The following AKR1D1 variants were observed in gnomAD, a reference collection of about 807,000 sequenced individuals.
The protein encoded by AKR1D1 is delta(4)-3-ketosteroid 5-beta-reductase.
A neutral mutation model predicts 42.6 loss-of-function variants in AKR1D1; 32 were observed. The observed-to-expected ratio is 0.75, with a 90% CI of 0.57 to 1.01. The LOEUF (loss-of-function observed/expected upper bound fraction) is 1.01, where lower values mean the gene tolerates loss of function less well. Among genes scored for constraint, AKR1D1 ranks in the 50% least tolerant of loss-of-function variants. The probability of loss-of-function intolerance (pLI) is 0.00; values close to 1 mark genes in which losing one functional copy is unlikely to be tolerated. For synonymous variants in AKR1D1, 123 were observed against 135.5 expected, an observed-to-expected ratio of 0.91 and a Z score of 0.64; for missense variants, 364 against 402.2, an observed-to-expected ratio of 0.91 and a Z score of 0.81.
intron 7 of AKR1D1, among the ~76,000 whole-genome samples, chr7:138,110,196 G>A (rs1436485506): frequency 6.6e-6 from 1 of 151,828 alleles, no homozygotes; most frequent in Non-Finnish European, 1.5e-5. Context: ...AAAATAAACT[G>A]TTAGAAATAT....
In AKR1D1 at chr7:138,117,169, G is replaced by A. The variant is rs7780066; in HGVS notation, c.*507G>A. Reference sequence around the variant, plus strand: ...ATTTGCTGCACCTTGAGTTGAGAGGGCTACATGTAGAAAAGTCTTAAAATA... The same window carrying A: ...ATTTGCTGCACCTTGAGTTGAGAGGACTACATGTAGAAAAGTCTTAAAATA... On this transcript the variant is annotated 3_prime_UTR_variant, in exon 9 of 9. Coordinates refer to ENST00000242375, the MANE Select transcript of AKR1D1 (RefSeq NM_005989.4). 0.8 allele frequency: 124,089 copies of A among 155,082 alleles called. 49,940 individuals are homozygous for A. The highest frequency in any genetic ancestry group is 0.87 in the African/African-American group (35,972 of 41,552). The allele number at this position is 155,082 out of a possible 1,614,324, so 9.6% of individuals were successfully genotyped here.
At chr7:138,108,197 T>C (rs752964158) in intron 7 of AKR1D1, among the ~76,000 whole-genome samples, 13 of 152,232 alleles carry the variant, frequency 8.5e-5, no homozygotes, top group Admixed American at 2.0e-4. Context: ...AAGTAATCTA[T>C]GACTTACGTT....
chr7:138,102,994 G>A (rs1794347362), intron 4 of AKR1D1, among the ~76,000 whole-genome samples: 1 of 152,152 alleles, frequency 6.6e-6, no homozygotes, highest in Non-Finnish European at 1.5e-5. Context: ...GATCTTGATT[G>A]TAATGATGAT....
intron 3 of AKR1D1, 44 bp downstream of exon 3, chr7:138,091,928 C>G: frequency 7.7e-7 from 1 of 1,299,798 alleles, no homozygotes; most frequent in Non-Finnish European, 1.1e-6. Context: ...ACCCTGGCAA[C>G]CATGAGCCAA....
chr7:138,085,845 C>T (rs561919131), intron 1 of AKR1D1, among the ~76,000 whole-genome samples: 2 of 152,002 alleles, frequency 1.3e-5, no homozygotes, highest in African/African-American at 4.8e-5. Flanking sequence ...GTCTGGGGCT[C>T]CCTTCATTGT....
At chr7:138,112,295 G>T (rs543327152) in intron 7 of AKR1D1, among the ~76,000 whole-genome samples, 7 of 152,154 alleles carry the variant, frequency 4.6e-5, no homozygotes, top group South Asian at 2.1e-4. Context: ...GCACATTTTT[G>T]ATTCCTTATG....
At chr7:138,093,968 CAT>C (rs1424691745) in intron 3 of AKR1D1, among the ~76,000 whole-genome samples, 1 of 152,182 alleles carries the variant, frequency 6.6e-6, no homozygotes, top group East Asian at 1.9e-4. Flanking sequence ...TTATGCAGCA[CAT>C]GACTCTACTT....
rs556662530 is a variant in AKR1D1, at chr7:138,110,668, G to A, written c.856-3022G>A. On this transcript the variant is annotated intron_variant, in intron 7 of 8. Transcript: ENST00000242375. ...CTCAGGAGGCTGAGGCAGGAGAATC[G>A]CTTGAACTAGGGATGCGGAGTTTGC... Among the ~76,000 whole-genome samples the A allele has an allele frequency of 2.5e-3, 375 of 152,108 alleles. 2 individuals carry two copies. The highest frequency in any genetic ancestry group is 8.6e-3 in the African/African-American group (359 of 41,506).
chr7:138,089,029 G>C (rs377643771), intron 2 of AKR1D1, among the ~76,000 whole-genome samples: 19 of 152,096 alleles, frequency 1.2e-4, no homozygotes, highest in African/African-American at 4.6e-4. Context: ...AAGCAGAGTA[G>C]CATTTAGGGG....
rs61466734 is a variant in AKR1D1, at chr7:138,081,506, C to CTT, written c.93+4930_93+4931dup. On this transcript the variant is annotated intron_variant, in intron 1 of 8. Transcript: ENST00000242375. Reference sequence around the variant, plus strand: ...TCCAAAATATAAAAGGAACTCCTACCTTTTTTTTTTTTTTTTTTTTTTTTT... The same window carrying CTT: ...TCCAAAATATAAAAGGAACTCCTACCTTTTTTTTTTTTTTTTTTTTTTTTTTT... Among the ~76,000 whole-genome samples the CTT allele has an allele frequency of 1.1e-3, 52 of 47,696 alleles. 11 individuals carry two copies. The highest frequency in any genetic ancestry group is 1.7e-3 in the African/African-American group (17 of 9,984). 31.3% of individuals were successfully genotyped at this position (47,696 alleles called of 152,430 possible).
Position 138,100,854 on chromosome 7 carries a change from G to A in AKR1D1, c.456+2911G>A, listed in dbSNP as rs553539287. On this transcript the variant is annotated intron_variant, in intron 4 of 8. Transcript: ENST00000242375. ...CGAGTAGCTGGGACTATAGGTGCCC[G>A]CCACCACGCCTGGCTAATTTTTTGT... Among the ~76,000 whole-genome samples the A allele has an allele frequency of 1.3e-4, 20 of 151,550 alleles. No homozygotes were observed. In the East Asian group the frequency reaches 3.7e-3, roughly 28 times the overall value.
chr7:138,088,572 C>T, intron 1 of AKR1D1, 29 bp from the exon 2 acceptor site: 1 of 1,613,522 alleles, frequency 6.2e-7, no homozygotes, highest in Non-Finnish European at 8.5e-7. Context: ...TTTCTCTTTT[C>T]CCCAAACCCA....
intron 4 of AKR1D1, among the ~76,000 whole-genome samples, chr7:138,103,698 C>A (rs1477364256): frequency 6.6e-6 from 1 of 151,788 alleles, no homozygotes; most frequent in Non-Finnish European, 1.5e-5. Flanking sequence ...TCATATAACA[C>A]AGACTTAAAA....
intron 3 of AKR1D1, among the ~76,000 whole-genome samples, chr7:138,095,207 T>C (rs942543678): frequency 2.0e-5 from 3 of 152,172 alleles, no homozygotes; most frequent in African/African-American, 4.8e-5. Flanking sequence ...ACAGAATTCA[T>C]GATGGAGGCA....
Position 138,088,662 on chromosome 7 carries a change from T to C in AKR1D1, c.155T>C (p.Ile52Thr), listed in dbSNP as rs761168022. The C allele has an allele frequency of 1.9e-6, 3 of 1,614,004 alleles. No individual in the cohort carries two copies. The highest frequency in any genetic ancestry group is 2.2e-5 in the East Asian group (1 of 44,874). The change falls in exon 2 of 9, where the codon ATT (isoleucine) becomes ACT (threonine). Residue 52 changes from isoleucine (I) to threonine (T), a missense_variant. Coordinates refer to ENST00000242375, the MANE Select transcript of AKR1D1 (RefSeq NM_005989.4). ...GCTATTGACACAGGGTACCGACATA[T>C]TGATGGGGCCTACATCTACCAAAAT... ...KVAIDTGYRH[I>T]DGAYIYQNEH...
chr7:138,084,651 TATC>T (rs1803130789), intron 1 of AKR1D1, among the ~76,000 whole-genome samples: 2 of 152,216 alleles, frequency 1.3e-5, no homozygotes, highest in African/African-American at 2.4e-5. Context: ...TAGATTCTCC[TATC>T]ATATCATTTA....
chr7:138,100,215 G>GA (rs889786231), intron 4 of AKR1D1, among the ~76,000 whole-genome samples: 9 of 143,088 alleles, frequency 6.3e-5, no homozygotes, highest in South Asian at 2.2e-4. Context: ...AGACAAAGCA[G>GA]AAAAAAAAAG....
At chr7:138,085,841 G>T (rs1423356975) in intron 1 of AKR1D1, among the ~76,000 whole-genome samples, 1 of 151,618 alleles carries the variant, frequency 6.6e-6, no homozygotes, top group African/African-American at 2.4e-5. Flanking sequence ...ATTTGTCTGG[G>T]GCTCCCTTCA....
intron 3 of AKR1D1, among the ~76,000 whole-genome samples, chr7:138,094,128 G>C (rs1338632512): frequency 6.6e-6 from 1 of 152,176 alleles, no homozygotes; most frequent in Non-Finnish European, 1.5e-5. Flanking sequence ...ACACAATATA[G>C]TGACATTACC....
Sources: gnomAD v4.1 joint callset for allele counts (sites outside exome capture counted in the v4.1 genomes callset) on GRCh38, gnomAD v4.1.1 for gene constraint, MANE v1.5 for transcripts, NCBI Gene and HGNC (gene_info 2026-07-23, HGNC 2026-07-21) for gene names.